The following CRYBG1 variants were observed in gnomAD, a reference collection of about 807,000 sequenced individuals.
CRYBG1 encodes crystallin beta-gamma domain containing 1.
A neutral mutation model predicts 189.2 loss-of-function variants in CRYBG1; 139 were observed. The ratio of observed to expected loss-of-function variants is 0.73; its 90% CI spans 0.64 to 0.85. The LOEUF (loss-of-function observed/expected upper bound fraction) is 0.85, where lower values mean the gene tolerates loss of function less well. Among genes scored for constraint, CRYBG1 ranks in the 40% least tolerant of loss-of-function variants. The pLI is 0.00. For missense variants in CRYBG1, 2,611 were observed against 2,675.8 expected (o/e 0.98, Z 0.53); for synonymous variants, 1,023 against 1,017.1 (o/e 1.01, Z -0.11).
chr6:106,541,490 C>A, intron 9 of CRYBG1, 96 bp from the exon 10 acceptor site: 2 of 1,186,116 alleles, frequency 1.7e-6, no homozygotes, highest in African/African-American at 1.5e-5. Flanking sequence ...CATAGTCACA[C>A]TGAAATTCAA....
intron 1 of CRYBG1, among the ~76,000 whole-genome samples, chr6:106,384,540 T>C (rs1413718469): frequency 6.6e-6 from 1 of 152,060 alleles, no homozygotes; most frequent in Non-Finnish European, 1.5e-5. Flanking sequence ...AATTGCGTTG[T>C]TTATGTCCAG....
intron 2 of CRYBG1, among the ~76,000 whole-genome samples, chr6:106,461,196 G>T (rs554432501): frequency 6.6e-6 from 1 of 152,254 alleles, no homozygotes; most frequent in South Asian, 2.1e-4. Context: ...AATCCTTTGG[G>T]ATCCTATTTC....
chr6:106,539,983 T>A (rs896760094), intron 9 of CRYBG1, among the ~76,000 whole-genome samples: 2 of 152,128 alleles, frequency 1.3e-5, no homozygotes, highest in Non-Finnish European at 2.9e-5. Flanking sequence ...GAGCTGTCGG[T>A]GAATGCACTG....
chr6:106,515,331 G>A (rs1048753563), intron 3 of CRYBG1, among the ~76,000 whole-genome samples: 2 of 152,132 alleles, frequency 1.3e-5, no homozygotes, highest in Non-Finnish European at 2.9e-5. Flanking sequence ...GTAACTCTTG[G>A]TAGCACAACT....
At chr6:106,516,238 T>TC (rs1204244741) in intron 3 of CRYBG1, among the ~76,000 whole-genome samples, 1 of 131,134 alleles carries the variant, frequency 7.6e-6, no homozygotes, top group African/African-American at 3.0e-5. Context: ...GGCCCAAGCT[T>TC]CTTTTTTTTT....
Position 106,540,060 on chromosome 6 carries a change from G to A in CRYBG1, c.4845+531G>A, listed in dbSNP as rs544598122. Among the ~76,000 whole-genome samples, 7 of 152,272 alleles carry A rather than the reference G, an allele frequency of 4.6e-5. No homozygotes were observed. The East Asian group carries it at 7.7e-4, about 17-fold the overall frequency. On this transcript the variant is annotated intron_variant, in intron 9 of 21. Coordinates refer to ENST00000633556, the MANE Select transcript of CRYBG1 (RefSeq NM_001371242.2). ...AGGACCGGCTCGGCTGCCGTGACAC[G>A]AGTGGGTGGTGTCTTGGGGGTCTCT... is the stretch of plus-strand genomic sequence containing the variant.
At position 106,379,551 on chromosome 6, in the gene CRYBG1, G is replaced by A. The variant is rs895263148; in HGVS notation, c.173+18470G>A. Among the ~76,000 whole-genome samples the A allele has an allele frequency of 4.0e-5, 6 of 151,008 alleles. No individual in the cohort carries two copies. In the East Asian group the frequency reaches 8.0e-4, roughly 20 times the overall value. ...GCTGGGATTACAGGCGTGAGCCACC[G>A]TGCCTGGCCTCTTTTCTTTTCTTTA... is the stretch of plus-strand genomic sequence containing the variant. On this transcript the variant is annotated intron_variant, in intron 1 of 21. Coordinates refer to ENST00000633556, the MANE Select transcript of CRYBG1 (RefSeq NM_001371242.2).
At chr6:106,480,409 A>G (rs540541974) in intron 2 of CRYBG1, among the ~76,000 whole-genome samples, 1 of 152,054 alleles carries the variant, frequency 6.6e-6, no homozygotes, top group East Asian at 1.9e-4. Context: ...TCACACCTGT[A>G]ATCCCAGCAC....
At chr6:106,413,707 G>A (rs1770973067) in intron 1 of CRYBG1, among the ~76,000 whole-genome samples, 1 of 151,306 alleles carries the variant, frequency 6.6e-6, no homozygotes, top group East Asian at 1.9e-4. Context: ...CATGTTCACT[G>A]CAGGCAAAGC....
chr6:106,440,741 T>C (rs993626627), intron 1 of CRYBG1, among the ~76,000 whole-genome samples: 2 of 152,206 alleles, frequency 1.3e-5, no homozygotes, highest in Non-Finnish European at 2.9e-5. Flanking sequence ...CAACATGTGG[T>C]AACAACAAAA....
At chr6:106,481,116 G>A (rs1772442760) in intron 2 of CRYBG1, among the ~76,000 whole-genome samples, 1 of 103,520 alleles carries the variant, frequency 9.7e-6, no homozygotes, top group South Asian at 3.0e-4. Context: ...TGGGACTACA[G>A]GCGCCCGCCA....
At chr6:106,396,154 C>A (rs1350483281) in intron 1 of CRYBG1, among the ~76,000 whole-genome samples, 1 of 152,128 alleles carries the variant, frequency 6.6e-6, no homozygotes, top group Non-Finnish European at 1.5e-5. Context: ...CATTGCTTAG[C>A]TTTGAGTATT....
Position 106,433,784 on chromosome 6 carries a change from T to A in CRYBG1, c.174-17910T>A, listed in dbSNP as rs180806823. Reference sequence around the variant, plus strand: ...GTATATATATATATGTATATATATATAAACATACACACACATACATATACA... The same window carrying A: ...GTATATATATATATGTATATATATAAAAACATACACACACATACATATACA... On this transcript the variant is annotated intron_variant, in intron 1 of 21. Coordinates refer to ENST00000633556, the MANE Select transcript of CRYBG1 (RefSeq NM_001371242.2). 6.6e-3 allele frequency among the ~76,000 whole-genome samples: 896 copies of A among 136,700 alleles called. 19 individuals are homozygous for A. The highest frequency in any genetic ancestry group is 0.023 in the African/African-American group (837 of 36,776). The allele number at this position is 136,700 out of a possible 152,430, so 89.7% of individuals were successfully genotyped here.
intron 1 of CRYBG1, among the ~76,000 whole-genome samples, chr6:106,444,869 C>A (rs999657385): frequency 6.6e-6 from 1 of 152,240 alleles, no homozygotes; most frequent in Non-Finnish European, 1.5e-5. Flanking sequence ...CTTGGTGGCT[C>A]ACACCTGTAA....
intron 1 of CRYBG1, among the ~76,000 whole-genome samples, chr6:106,430,636 C>A (rs1381592524): frequency 1.3e-5 from 2 of 152,008 alleles, no homozygotes; most frequent in Admixed American, 6.6e-5. Flanking sequence ...ATAGTGGCAG[C>A]TGGCTGAGCC....
chr6:106,382,988 AAATCCTGC>A (rs1243845887), intron 1 of CRYBG1, among the ~76,000 whole-genome samples: 1 of 152,224 alleles, frequency 6.6e-6, no homozygotes, highest in African/African-American at 2.4e-5. Context: ...GGCTAATGGG[AAATCCTGC>A]AATTTTTTGT....
intron 9 of CRYBG1, 71 bp downstream of exon 9, chr6:106,539,600 C>T: frequency 6.6e-7 from 1 of 1,512,242 alleles, no homozygotes. Context: ...CAGGGTGTGA[C>T]TTTGAAGCAA....
intron 2 of CRYBG1, 33 bp from the exon 3 acceptor site, chr6:106,511,397 A>G (rs761087634): frequency 6.7e-7 from 1 of 1,499,450 alleles, no homozygotes; most frequent in Non-Finnish European, 8.9e-7. Context: ...CCAGATTCTC[A>G]TATGTTCCCT....
chr6:106,480,702 T>C (rs570784909), intron 2 of CRYBG1, among the ~76,000 whole-genome samples: 12 of 149,490 alleles, frequency 8.0e-5, no homozygotes, highest in Non-Finnish European at 1.3e-4. Context: ...CTCTGCATGG[T>C]AGCTCACGCC....
Sources: allele counts gnomAD v4.1 joint callset (sites outside exome capture counted in the v4.1 genomes callset), GRCh38; gene constraint gnomAD v4.1.1; transcripts MANE v1.5; gene names NCBI Gene and HGNC (gene_info 2026-07-23, HGNC 2026-07-21).